The following CCDC57 variants were observed in gnomAD, a reference collection of about 807,000 sequenced individuals.
CCDC57 encodes coiled-coil domain containing 57.
A neutral mutation model predicts 118.9 loss-of-function variants in CCDC57; 118 were observed. The ratio of observed to expected loss-of-function variants is 0.99; its 90% CI spans 0.86 to 1.16. The LOEUF (loss-of-function observed/expected upper bound fraction) is 1.16, where lower values mean the gene tolerates loss of function less well. CCDC57 is among the 50% of genes most tolerant of loss of function. The pLI, the probability that CCDC57 is intolerant of heterozygous loss-of-function variation, is 0.00. For synonymous variants in CCDC57, 527 were observed against 532.9 expected (o/e 0.99, Z 0.15); for missense variants, 1,300 against 1,320.7 (o/e 0.98, Z 0.24).
At chr17:82,143,475 CACACACAG>C (rs760460267) in intron 16 of CCDC57, among the ~76,000 whole-genome samples, 2 of 151,584 alleles carry the variant, frequency 1.3e-5, no homozygotes, top group South Asian at 2.1e-4. Flanking sequence ...TGCTCTTACA[CACACACAG>C]GCACACACAC....
intron 11 of CCDC57, among the ~76,000 whole-genome samples, chr17:82,174,199 C>G (rs1246546165): frequency 6.6e-6 from 1 of 152,238 alleles, no homozygotes; most frequent in African/African-American, 2.4e-5. Context: ...TGGGCCCTTC[C>G]CAGGACGCTC....
intron 11 of CCDC57, among the ~76,000 whole-genome samples, chr17:82,174,723 A>G (rs1165124130): frequency 2.0e-5 from 3 of 152,254 alleles, no homozygotes; most frequent in African/African-American, 7.2e-5. Context: ...AGAGCCCTGC[A>G]CCTGGTACCG....
chr17:82,107,070 G>A (rs1473243068), intron 19 of CCDC57, among the ~76,000 whole-genome samples: 2 of 152,148 alleles, frequency 1.3e-5, no homozygotes, highest in Admixed American at 6.5e-5. Context: ...GAGGCCACAC[G>A]CTCCTCCAGG....
chr17:82,152,714 A>G (rs1427388008), intron 15 of CCDC57, among the ~76,000 whole-genome samples: 1 of 152,256 alleles, frequency 6.6e-6, no homozygotes, highest in African/African-American at 2.4e-5. Flanking sequence ...GGCCCTGGCC[A>G]CATGAGCTCC....
intron 11 of CCDC57, among the ~76,000 whole-genome samples, chr17:82,175,990 C>G (rs1160457130): frequency 6.6e-6 from 1 of 152,200 alleles, no homozygotes; most frequent in Admixed American, 6.5e-5. Flanking sequence ...TGGTCAAGAT[C>G]TAAAGTTTAT....
At chr17:82,137,678 C>CTTT (rs199677583) in intron 16 of CCDC57, among the ~76,000 whole-genome samples, 3 of 133,436 alleles carry the variant, frequency 2.2e-5, no homozygotes, top group African/African-American at 5.7e-5. Context: ...GGAGACTTTT[C>CTTT]TTTTTTTTTT....
intron 19 of CCDC57, among the ~76,000 whole-genome samples, chr17:82,105,987 C>T (rs969190136): frequency 2.0e-5 from 3 of 152,214 alleles, no homozygotes; most frequent in South Asian, 2.1e-4. Flanking sequence ...GGTGGGCCCT[C>T]GGGGGCCTGG....
chr17:82,155,897 GAC>G (rs1157492291), intron 15 of CCDC57: 1 of 152,224 alleles, frequency 6.6e-6, no homozygotes, highest in Non-Finnish European at 1.5e-5. Context: ...CATGCATGTA[GAC>G]ACAGAGCCTG....
At chr17:82,142,336 G>A (rs1270090116) in intron 16 of CCDC57, among the ~76,000 whole-genome samples, 1 of 150,870 alleles carries the variant, frequency 6.6e-6, no homozygotes, top group Non-Finnish European at 1.5e-5. Context: ...TTCTTGAGAC[G>A]GAGTCTTGCT....
chr17:82,184,031 G>GCGCGCGCGCGCGCGCACACACACACACA, intron 8 of CCDC57, 99 bp from the exon 8 acceptor site: 2 of 125,852 alleles, frequency 1.6e-5, no homozygotes, highest in Non-Finnish European at 1.6e-5. Flanking sequence ...GCGCGCGCGC[G>GCGCGCGCGCGCGCGCACACACACACACA]CACACACACA....
At chr17:82,176,135 A>G (rs2045443840) in intron 11 of CCDC57, among the ~76,000 whole-genome samples, 1 of 152,136 alleles carries the variant, frequency 6.6e-6, no homozygotes, top group South Asian at 2.1e-4. Flanking sequence ...CTCTGTGCCA[A>G]TGGGTGGAAG....
chr17:82,171,665 G>C (rs747249249), intron 13 of CCDC57, 36 bp downstream of exon 12: 15 of 1,594,132 alleles, frequency 9.4e-6, no homozygotes, highest in Non-Finnish European at 1.3e-5. Context: ...CAGTTTATAA[G>C]GGGACAGCAA....
intron 15 of CCDC57, among the ~76,000 whole-genome samples, chr17:82,152,895 C>T (rs145153696): frequency 1.3e-5 from 2 of 152,206 alleles, no homozygotes; most frequent in African/African-American, 4.8e-5. Context: ...GTGGGACGCT[C>T]GGGGGCCGCG....
At chr17:82,178,601 G>A in exon 11 of CCDC57, 1 of 1,611,736 alleles carries the variant, frequency 6.2e-7, no homozygotes, top group Non-Finnish European at 8.5e-7. Flanking sequence ...CAGCTTGGCA[G>A]CAACCTGGGA....
In CCDC57 at chr17:82,102,700, A is replaced by G. The variant is rs573269685; in HGVS notation, c.2900-834T>C. Among the ~76,000 whole-genome samples, 16 of 152,130 alleles carry G rather than the reference A, an allele frequency of 1.1e-4. No homozygotes were observed. In the East Asian group the frequency reaches 3.1e-3, roughly 29 times the overall value. ...GAGTTCAAGACTAGCCTGGCCAACA[A>G]TGGTGAAACGCCGTCTCTACTAAAA... On this transcript the variant is annotated intron_variant, in intron 19 of 19. Coordinates refer to ENST00000665763, the Ensembl canonical transcript of CCDC57.
intron 9 of CCDC57, among the ~76,000 whole-genome samples, chr17:82,181,639 T>TCTG (rs2046222259): frequency 6.6e-6 from 1 of 152,164 alleles, no homozygotes; most frequent in African/African-American, 2.4e-5. Flanking sequence ...GAAATAAAGA[T>TCTG]ATGATGGAAT....
In CCDC57 at chr17:82,192,676, G is replaced by C. The variant is rs1425834508; in HGVS notation, c.851+1080C>G. Among the ~76,000 whole-genome samples the C allele has an allele frequency of 6.6e-6, 1 of 152,166 alleles. No homozygotes were observed. Among genetic ancestry groups the C allele is most frequent in the Non-Finnish European group, 1.5e-5 (1 of 68,028 alleles). On this transcript the variant is annotated intron_variant, in intron 7 of 19. Coordinates refer to ENST00000665763, the Ensembl canonical transcript of CCDC57. This position sits in a 1 kb window ranked among gnomAD's most constrained non-coding sequence, Gnocchi z 4.0. Reference sequence around the variant, plus strand: ...TCATCTAGGTAGAGAACCCGGATGGGTGCCCTCACAATGCGAGCCAGCTGA... The same window carrying C: ...TCATCTAGGTAGAGAACCCGGATGGCTGCCCTCACAATGCGAGCCAGCTGA...
rs1201725473 is a variant in CCDC57 at position 82,178,483 on chromosome 17, TG to T, written c.1496del (p.Pro499GlnfsTer14). ...GACTGGGTACTCTCACCTGTGCCCC[TG>T]GTCTGGGGAGCCCATGCATCCTCAG... is the stretch of plus-strand genomic sequence containing the variant. On this transcript the variant is annotated frameshift_variant, in exon 11 of 20. Transcript: ENST00000665763. LOFTEE classifies it high-confidence loss of function. 6.2e-7 allele frequency: 1 copy of T among 1,609,428 alleles called. No individual in the cohort carries two copies. The highest frequency in any genetic ancestry group is 8.5e-7 in the Non-Finnish European group (1 of 1,178,006).
chr17:82,107,802 G>A (rs928392667), intron 19 of CCDC57, among the ~76,000 whole-genome samples: 8 of 152,176 alleles, frequency 5.3e-5, no homozygotes, highest in South Asian at 2.1e-4. Flanking sequence ...GGGAACAGCC[G>A]CCGGCCCTCC....
Sources: allele counts gnomAD v4.1 joint callset (sites outside exome capture counted in the v4.1 genomes callset), GRCh38; gene constraint gnomAD v4.1.1; non-coding constraint Gnocchi (gnomAD v3.1); transcripts MANE v1.5; gene names NCBI Gene and HGNC (gene_info 2026-07-23, HGNC 2026-07-21).